PCSK2: variants seen among roughly 807,000 people sequenced by gnomAD.
PCSK2 encodes proprotein convertase subtilisin/kexin type 2.
PCSK2 carries 14 observed loss-of-function variants against 69.7 expected under a neutral mutation model. The ratio of observed to expected loss-of-function variants is 0.20; its 90% CI spans 0.13 to 0.31. PCSK2 has a LOEUF of 0.31. PCSK2 is among the 10% of genes least tolerant of loss of function. The pLI is 1.00. For missense variants in PCSK2, 544 were observed against 842.5 expected (o/e 0.65, Z 4.39); for synonymous variants, 307 against 320.7 (o/e 0.96, Z 0.46).
At chr20:17,422,630 A>T (rs2032158021) in intron 6 of PCSK2, among the ~76,000 whole-genome samples, 1 of 152,034 alleles carries the variant, frequency 6.6e-6, no homozygotes, top group Non-Finnish European at 1.5e-5. Flanking sequence ...AAAAAAGGAG[A>T]AAAAAGAGGA....
At chr20:17,279,717 G>A (rs1434802639) in intron 2 of PCSK2, among the ~76,000 whole-genome samples, 2 of 150,750 alleles carry the variant, frequency 1.3e-5, no homozygotes, top group Admixed American at 1.3e-4. Context: ...AACCCGGGAG[G>A]CAGTGGTTGC....
At chr20:17,353,405 C>T (rs1411334382) in intron 2 of PCSK2, among the ~76,000 whole-genome samples, 2 of 147,340 alleles carry the variant, frequency 1.4e-5, no homozygotes, top group Admixed American at 1.4e-4. Context: ...GTGGAGGTTG[C>T]AGTGAGCCAA....
At chr20:17,338,236 T>C (rs1990414190) in intron 2 of PCSK2, among the ~76,000 whole-genome samples, 2 of 151,400 alleles carry the variant, frequency 1.3e-5, no homozygotes, top group African/African-American at 4.8e-5. Context: ...TCACTCTGTC[T>C]CCCAGGCTGG....
intron 2 of PCSK2, among the ~76,000 whole-genome samples, chr20:17,270,103 A>G (rs1987802177): frequency 6.6e-6 from 1 of 152,148 alleles, no homozygotes; most frequent in Admixed American, 6.6e-5. Context: ...ACATAAATGA[A>G]CAGTTATAAT....
chr20:17,465,112 A>C, intron 10 of PCSK2: 1 of 585,670 alleles, frequency 1.7e-6, no homozygotes, highest in East Asian at 2.8e-5. Context: ...AATTTATGTA[A>C]GTAAGAAAAG....
intron 1 of PCSK2, among the ~76,000 whole-genome samples, chr20:17,241,688 G>A (rs991524879): frequency 2.0e-5 from 3 of 152,178 alleles, no homozygotes; most frequent in African/African-American, 2.4e-5. Flanking sequence ...ACACTGAACG[G>A]CTGGTAGAGC....
intron 2 of PCSK2, among the ~76,000 whole-genome samples, chr20:17,305,594 T>C (rs1989301526): frequency 6.6e-6 from 1 of 152,192 alleles, no homozygotes; most frequent in Non-Finnish European, 1.5e-5. Context: ...ATCTTTAAAA[T>C]GGGTATAATA....
intron 10 of PCSK2, among the ~76,000 whole-genome samples, chr20:17,461,161 T>C (rs571574572): frequency 3.9e-5 from 6 of 152,168 alleles, no homozygotes; most frequent in African/African-American, 1.4e-4. Flanking sequence ...CAGGTTTCAC[T>C]TTCTTTGAGA....
chr20:17,325,648 C>G (rs1990023996), intron 2 of PCSK2, among the ~76,000 whole-genome samples: 2 of 152,262 alleles, frequency 1.3e-5, no homozygotes, highest in Non-Finnish European at 2.9e-5. Context: ...GTCCATTCAT[C>G]TAGACGTGGG....
intron 2 of PCSK2, among the ~76,000 whole-genome samples, chr20:17,354,091 T>A (rs970100602): frequency 1.3e-5 from 2 of 152,188 alleles, no homozygotes; most frequent in African/African-American, 2.4e-5. Context: ...TACCCTAAAC[T>A]TGAGCATCAT....
chr20:17,415,587 A>T (rs2031981294), intron 6 of PCSK2, among the ~76,000 whole-genome samples: 1 of 152,222 alleles, frequency 6.6e-6, no homozygotes, highest in African/African-American at 2.4e-5. Context: ...AATGAATATC[A>T]TGGAAATGGC....
chr20:17,239,844 T>TA (rs1986495153), intron 1 of PCSK2, among the ~76,000 whole-genome samples: 1 of 116,488 alleles, frequency 8.6e-6, no homozygotes, highest in Non-Finnish European at 1.8e-5. Context: ...GAAAACACTT[T>TA]TTTTTTTTTT....
At chr20:17,425,073 G>C (rs937955317) in intron 6 of PCSK2, among the ~76,000 whole-genome samples, 2 of 152,138 alleles carry the variant, frequency 1.3e-5, no homozygotes, top group African/African-American at 4.8e-5. Flanking sequence ...ACCACACCCA[G>C]CCTATAAAGA....
chr20:17,416,288 C>G (rs938476436), intron 6 of PCSK2, among the ~76,000 whole-genome samples: 1 of 152,238 alleles, frequency 6.6e-6, no homozygotes, highest in South Asian at 2.1e-4. Context: ...TGACAAAGGG[C>G]TAATATCCAG....
intron 6 of PCSK2, among the ~76,000 whole-genome samples, chr20:17,428,997 C>CAAAAAAAAAAAAAAAAA (rs60206058): frequency 3.2e-4 from 12 of 36,958 alleles, no homozygotes; most frequent in Non-Finnish European, 3.5e-4. Context: ...GACTCTGTCT[C>CAAAAAAAAAAAAAAAAA]AAAAAAAAAA....
At chr20:17,433,799 C>CTCTCTG (rs2032417719) in intron 7 of PCSK2, among the ~76,000 whole-genome samples, 1 of 121,332 alleles carries the variant, frequency 8.2e-6, no homozygotes, top group Non-Finnish European at 1.8e-5. Context: ...CTCTCTCTCT[C>CTCTCTG]TCTCTCTCTC....
intron 1 of PCSK2, among the ~76,000 whole-genome samples, chr20:17,238,100 A>G (rs892685256): frequency 6.6e-6 from 1 of 152,214 alleles, no homozygotes; most frequent in African/African-American, 2.4e-5. Context: ...TCTGAGTGTG[A>G]AAGTAAACAT....
At chr20:17,469,225 C>A (rs1349213322) in intron 11 of PCSK2, among the ~76,000 whole-genome samples, 1 of 152,174 alleles carries the variant, frequency 6.6e-6, no homozygotes, top group African/African-American at 2.4e-5. Context: ...CAGTCAAGCC[C>A]ACAGAGGCTG....
chr20:17,303,535 TATATATAATA>T (rs1361676034), intron 2 of PCSK2, among the ~76,000 whole-genome samples: 1 of 33,312 alleles, frequency 3.0e-5, no homozygotes, highest in East Asian at 2.2e-3. Context: ...TATATTATAT[TATATATAATA>T]TGATATAATA....
Sources: allele counts gnomAD v4.1 joint callset (sites outside exome capture counted in the v4.1 genomes callset), GRCh38; gene constraint gnomAD v4.1.1; transcripts MANE v1.5; gene names NCBI Gene and HGNC (gene_info 2026-07-23, HGNC 2026-07-21).